DCAF17: variants seen among roughly 807,000 people sequenced by gnomAD.
DCAF17 encodes the protein DDB1 and CUL4 associated factor 17.
DCAF17 carries 48 observed loss-of-function variants against 66.0 expected under a neutral mutation model. The ratio of observed to expected loss-of-function variants is 0.73; its 90% CI spans 0.58 to 0.92. DCAF17 has a LOEUF of 0.92. Among genes scored for constraint, DCAF17 ranks in the 40% least tolerant of loss-of-function variants. The pLI is 0.00. For synonymous variants in DCAF17, 206 were observed against 214.6 expected (o/e 0.96, Z 0.35); for missense variants, 562 against 622.8 (o/e 0.90, Z 1.04).
At position 171,434,719 on chromosome 2, in the gene DCAF17, C is replaced by A; in HGVS notation, c.126+16C>A. On this transcript the variant is annotated intron_variant, in intron 1 of 13. Coordinates refer to ENST00000375255, the MANE Select transcript of DCAF17 (RefSeq NM_025000.4). ...GGTGTGCCAGGTGACCGCCAGCCGG[C>A]CGGGGCGGGACGGAGGGCCGCGGGC... 6.9e-7 allele frequency: 1 copy of A among 1,445,786 alleles called. No individual in the cohort carries two copies. The highest frequency in any genetic ancestry group is 9.0e-7 in the Non-Finnish European group (1 of 1,109,888). 89.6% of individuals were successfully genotyped at this position (1,445,786 alleles called of 1,614,324 possible).
chr2:171,455,144 TCCACC>T (rs1695181939), intron 6 of DCAF17, among the ~76,000 whole-genome samples: 1 of 143,252 alleles, frequency 7.0e-6, no homozygotes, highest in Non-Finnish European at 1.5e-5. Context: ...CCCTCCACCC[TCCACC>T]CTCCGATAGG....
chr2:171,472,533 A>G (rs1430845136), intron 9 of DCAF17, among the ~76,000 whole-genome samples: 1 of 152,130 alleles, frequency 6.6e-6, no homozygotes, highest in Non-Finnish European at 1.5e-5. Flanking sequence ...GCTATTTTCT[A>G]CTTATCCTTT....
At chr2:171,442,278 G>A (rs367570156) in intron 2 of DCAF17, among the ~76,000 whole-genome samples, 4 of 152,296 alleles carry the variant, frequency 2.6e-5, no homozygotes, top group African/African-American at 7.2e-5. Context: ...ATGAAAAGGG[G>A]CTGGGCGCAG....
intron 9 of DCAF17, among the ~76,000 whole-genome samples, chr2:171,473,127 T>C (rs781040231): frequency 1.3e-5 from 2 of 152,212 alleles, no homozygotes; most frequent in Non-Finnish European, 2.9e-5. Flanking sequence ...CTGTGACCCA[T>C]GTCTGAGGCT....
At position 171,481,564 on chromosome 2, in the gene DCAF17, A is replaced by G. The variant is rs192793810; in HGVS notation, c.*450A>G. 2.6e-4 allele frequency: 117 copies of G among 454,194 alleles called. No individual in the cohort carries two copies. The Admixed American group carries it at 2.7e-3, about 11-fold the overall frequency. The allele number at this position is 454,194 out of a possible 1,614,324, so 28.1% of individuals were successfully genotyped here. On this transcript the variant is annotated 3_prime_UTR_variant, in exon 14 of 14. Coordinates refer to ENST00000375255, the MANE Select transcript of DCAF17 (RefSeq NM_025000.4). ...ATATCCTCTATACCAAACTTTGCTTAAGGATGAGAAATGAGATGTGTTATG... is the reference window on the plus strand; with the variant it reads ...ATATCCTCTATACCAAACTTTGCTTGAGGATGAGAAATGAGATGTGTTATG...
At chr2:171,470,901 AG>A (rs1696209626) in intron 9 of DCAF17, among the ~76,000 whole-genome samples, 1 of 152,208 alleles carries the variant, frequency 6.6e-6, no homozygotes, top group African/African-American at 2.4e-5. Flanking sequence ...AGAAAAAAAA[AG>A]GATGGTATAA....
At chr2:171,474,726 T>C (rs539617957) in intron 10 of DCAF17, among the ~76,000 whole-genome samples, 5 of 152,250 alleles carry the variant, frequency 3.3e-5, no homozygotes, top group Admixed American at 6.5e-5. Context: ...TCAATGTACA[T>C]ACATTTAAAC....
At position 171,434,227 on chromosome 2, in the gene DCAF17, AG is replaced by A. The variant is rs1257136142; in HGVS notation, c.-350del. ...CCTGACGGGAATTGTAGTTCCTGGG[AG>A]AAGCCGGGCTGCCTCACGAGGCACT... On this transcript the variant is annotated 5_prime_UTR_variant, in exon 1 of 14. Coordinates refer to ENST00000375255, the MANE Select transcript of DCAF17 (RefSeq NM_025000.4). 2.3e-6 allele frequency: 1 copy of A among 442,360 alleles called. No homozygotes were observed. The highest frequency in any genetic ancestry group is 4.6e-6 in the Non-Finnish European group (1 of 219,186). The allele number at this position is 442,360 out of a possible 1,614,324, so 27.4% of individuals were successfully genotyped here.
At chr2:171,460,340 AAGTG>A (rs2105778532) in intron 8 of DCAF17, among the ~76,000 whole-genome samples, 1 of 148,514 alleles carries the variant, frequency 6.7e-6, no homozygotes, top group East Asian at 2.0e-4. Flanking sequence ...AAAAAAAAAA[AAGTG>A]AGTAAAACAA....
Position 171,453,104 on chromosome 2 carries a change from A to G in DCAF17, c.538-20A>G. On this transcript the variant is annotated intron_variant, in intron 5 of 13. Transcript: ENST00000375255. The stretch of plus-strand genomic sequence containing the variant: ...GAAGTACTTTTGAGAGCTGCGTGTA[A>G]TTGTAGTCTTTCCTTCTAGGCAGGC... The G allele has an allele frequency of 6.3e-7, 1 of 1,575,318 alleles. No individual in the cohort carries two copies. The highest frequency in any genetic ancestry group is 8.7e-7 in the Non-Finnish European group (1 of 1,154,470).
At position 171,438,639 on chromosome 2, in the gene DCAF17, G is replaced by A. The variant is rs540874070; in HGVS notation, c.230+3453G>A. Reference sequence around the variant, plus strand: ...CCTGGTAATGTTCCTTGCCAAATTCGACTTTGTCTGAAATTAGTATAGCTA... The same window carrying A: ...CCTGGTAATGTTCCTTGCCAAATTCAACTTTGTCTGAAATTAGTATAGCTA... On this transcript the variant is annotated intron_variant, in intron 2 of 13. Transcript: ENST00000375255. Among the ~76,000 whole-genome samples, 9 of 152,082 alleles carry A rather than the reference G, an allele frequency of 5.9e-5. No homozygotes were observed. In the East Asian group the frequency reaches 1.5e-3, roughly 26 times the overall value.
intron 2 of DCAF17, among the ~76,000 whole-genome samples, chr2:171,436,454 G>A (rs1200652141): frequency 6.6e-6 from 1 of 152,130 alleles, no homozygotes; most frequent in Non-Finnish European, 1.5e-5. Flanking sequence ...CAGTATATGA[G>A]GGTTCTGATT....
At position 171,481,750 on chromosome 2, in the gene DCAF17, A is replaced by G. The variant is rs1023751854; in HGVS notation, c.*636A>G. 2 of 453,748 alleles carry G rather than the reference A, an allele frequency of 4.4e-6. No individual in the cohort carries two copies. Among genetic ancestry groups the G allele is most frequent in the Admixed American group, 2.4e-5 (1 of 42,526 alleles). 28.1% of individuals were successfully genotyped at this position (453,748 alleles called of 1,614,324 possible). ...TTTGTTCTCTTGGCTTGATGTTCACATTGAATATTTGTGTTTCTATATAGG... is the reference window on the plus strand; with the variant it reads ...TTTGTTCTCTTGGCTTGATGTTCACGTTGAATATTTGTGTTTCTATATAGG... On this transcript the variant is annotated 3_prime_UTR_variant, in exon 14 of 14. Transcript: ENST00000375255.
chr2:171,443,794 A>G (rs1280591999), intron 3 of DCAF17, among the ~76,000 whole-genome samples, 181 bp downstream of exon 3: 1 of 152,208 alleles, frequency 6.6e-6, no homozygotes, highest in Non-Finnish European at 1.5e-5. Flanking sequence ...TGTATTAAAA[A>G]TACTAATATT....
chr2:171,460,590 G>A (rs1469375575), intron 8 of DCAF17, among the ~76,000 whole-genome samples: 1 of 151,726 alleles, frequency 6.6e-6, no homozygotes, highest in Non-Finnish European at 1.5e-5. Context: ...GAGTGCAGTG[G>A]AGAGATCACA....
chr2:171,449,923 C>G lies in DCAF17; in HGVS notation c.503C>G (p.Ser168Ter). 3 of 1,613,766 alleles carry G rather than the reference C, an allele frequency of 1.9e-6. No individual in the cohort carries two copies. The highest frequency in any genetic ancestry group is 2.5e-6 in the Non-Finnish European group (3 of 1,179,792). ...DTPQEVIAVKSAQNRGSAVAR... is the reference protein window; with the variant it reads ...DTPQEVIAVK ...CCTCAAGAAGTCATTGCAGTTAAGTCAGCTCAGAACAGAGGCTCAGCAGTG... is the reference window on the plus strand; with the variant it reads ...CCTCAAGAAGTCATTGCAGTTAAGTGAGCTCAGAACAGAGGCTCAGCAGTG... Residue 168 changes from serine (S) to a stop codon, truncating the protein, a stop_gained, in exon 5 of 14, where the codon TCA becomes TGA. Coordinates refer to ENST00000375255, the MANE Select transcript of DCAF17 (RefSeq NM_025000.4). LOFTEE classifies it high-confidence loss of function.
chr2:171,473,703 A>G (rs1210078867), intron 9 of DCAF17, among the ~76,000 whole-genome samples, 163 bp from the exon 10 acceptor site: 1 of 152,192 alleles, frequency 6.6e-6, no homozygotes, highest in Non-Finnish European at 1.5e-5. Context: ...GAATTTCTCA[A>G]ATTTGCATGT....
Position 171,484,242 on chromosome 2 carries a change from C to G in DCAF17, c.*3128C>G, listed in dbSNP as rs540242814. 4.4e-6 allele frequency: 2 copies of G among 449,912 alleles called. No individual in the cohort carries two copies. Among genetic ancestry groups the G allele is most frequent in the South Asian group, 3.2e-5 (2 of 62,736 alleles). 27.9% of individuals were successfully genotyped at this position (449,912 alleles called of 1,614,324 possible). A position where few individuals can be genotyped will look rare whatever the true frequency, so the allele number is the denominator to read the frequency against. ...TTATATCATCCATCTTTTAGAATCC[C>G]AGGGAGCTAATTTCTGGTCCCTGTG... On this transcript the variant is annotated 3_prime_UTR_variant, in exon 14 of 14. Coordinates refer to ENST00000375255, the MANE Select transcript of DCAF17 (RefSeq NM_025000.4).
intron 2 of DCAF17, among the ~76,000 whole-genome samples, chr2:171,440,108 C>T (rs1694220750): frequency 6.6e-6 from 1 of 152,188 alleles, no homozygotes. Flanking sequence ...GAACTACAGT[C>T]ACATACCATC....
Sources: gnomAD v4.1 joint callset for allele counts (sites outside exome capture counted in the v4.1 genomes callset) on GRCh38, gnomAD v4.1.1 for gene constraint, MANE v1.5 for transcripts, NCBI Gene and HGNC (gene_info 2026-07-23, HGNC 2026-07-21) for gene names.